Variants in GRM5 observed in about 807,000 individuals in gnomAD.
GRM5 encodes the protein glutamate metabotropic receptor 5.
In GRM5, 19 loss-of-function variants were observed where a neutral mutation model predicts 83.1. That is an observed-to-expected ratio of 0.23 (90% CI 0.16 to 0.34). The LOEUF (loss-of-function observed/expected upper bound fraction) is 0.34. Ranked by LOEUF, GRM5 falls within the 10% of genes least tolerant of loss-of-function variation. GRM5 has a pLI of 1.00. For missense variants in GRM5, 1,160 were observed against 1,588.3 expected (o/e 0.73, Z 4.58); for synonymous variants, 675 against 633.6 (o/e 1.07, Z -0.98).
At chr11:88,882,128 G>A (rs189562395) in intron 2 of GRM5, among the ~76,000 whole-genome samples, 2 of 151,946 alleles carry the variant, frequency 1.3e-5, no homozygotes, top group Non-Finnish European at 1.5e-5. Flanking sequence ...TCCCAGCTAT[G>A]CAGGAGGCTG....
chr11:88,725,665 T>G (rs192358759), intron 3 of GRM5, among the ~76,000 whole-genome samples: 1 of 152,246 alleles, frequency 6.6e-6, no homozygotes, highest in African/African-American at 2.4e-5. Context: ...GGTACCCCTA[T>G]GGGATGAGGC....
rs1311302907 is a variant in GRM5 at position 89,057,215 on chromosome 11, C to A, written c.-201+8561G>T. 3.3e-5 allele frequency among the ~76,000 whole-genome samples: 5 copies of A among 152,200 alleles called. No individual in the cohort carries two copies. The East Asian group carries it at 7.7e-4, about 24-fold the overall frequency. On this transcript the variant is annotated intron_variant, in intron 1 of 9. Coordinates refer to ENST00000305447, the MANE Select transcript of GRM5 (RefSeq NM_001143831.3). ...CCTCATCACAAACAGTCAGGGCTGT[C>A]AATATTGCATATGCCATCAATGCAT...
chr11:88,535,566 T>G (rs892054751), intron 8 of GRM5, among the ~76,000 whole-genome samples: 1 of 152,230 alleles, frequency 6.6e-6, no homozygotes. Flanking sequence ...GTGTCAGAAA[T>G]TCTTTTTATG....
At chr11:88,581,283 T>A (rs1037873071) in intron 7 of GRM5, among the ~76,000 whole-genome samples, 1 of 152,334 alleles carries the variant, frequency 6.6e-6, no homozygotes, top group African/African-American at 2.4e-5. Flanking sequence ...TCTTGAACAG[T>A]TAATGCATAC....
At chr11:88,538,237 C>A (rs1266690341) in intron 8 of GRM5, among the ~76,000 whole-genome samples, 2 of 152,060 alleles carry the variant, frequency 1.3e-5, no homozygotes, top group East Asian at 1.9e-4. Context: ...GAAGAATTCC[C>A]AAAGGATGTA....
At chr11:88,720,812 GTGTGTGTGCGTGTGTGTGTGTGTGTGT>G (rs1374791971) in intron 3 of GRM5, among the ~76,000 whole-genome samples, 1 of 125,450 alleles carries the variant, frequency 8.0e-6, no homozygotes, top group Non-Finnish European at 1.6e-5. Flanking sequence ...GTGTGTGTGT[GTGTGTGTGCGTGTGTGTGTGTGTGTGT>G]GTGTGCCTGT....
intron 2 of GRM5, among the ~76,000 whole-genome samples, chr11:88,977,074 T>A (rs1939365932): frequency 6.6e-6 from 1 of 151,602 alleles, no homozygotes; most frequent in Non-Finnish European, 1.5e-5. Flanking sequence ...TATTCTCAAA[T>A]AATAGATTCA....
At chr11:88,741,234 C>A (rs1942021562) in intron 3 of GRM5, among the ~76,000 whole-genome samples, 1 of 151,946 alleles carries the variant, frequency 6.6e-6, no homozygotes, top group Non-Finnish European at 1.5e-5. Flanking sequence ...GATAATCAGG[C>A]AAACTACAGA....
chr11:88,932,863 T>G (rs1937760041), intron 2 of GRM5, among the ~76,000 whole-genome samples: 1 of 151,932 alleles, frequency 6.6e-6, no homozygotes, highest in Non-Finnish European at 1.5e-5. Flanking sequence ...ATGTTTGATG[T>G]TGCCGAAATG....
intron 2 of GRM5, among the ~76,000 whole-genome samples, chr11:88,882,272 T>TAAATAAATAAATAAA (rs1565275314): frequency 2.3e-5 from 1 of 43,436 alleles, no homozygotes; most frequent in African/African-American, 1.1e-4. Flanking sequence ...AAATAAATAA[T>TAAATAAATAAATAAA]AAAAAGAAAA....
intron 8 of GRM5, among the ~76,000 whole-genome samples, chr11:88,552,032 T>TG (rs1942521492): frequency 9.2e-6 from 1 of 108,312 alleles, no homozygotes; most frequent in African/African-American, 7.3e-5. Context: ...AAATGTCACA[T>TG]CTTTTTTTTT....
chr11:88,816,811 T>C (rs1943698869), intron 3 of GRM5, among the ~76,000 whole-genome samples: 2 of 149,800 alleles, frequency 1.3e-5, no homozygotes, highest in South Asian at 4.2e-4. Context: ...GAAGTTATAT[T>C]GCTACAAATT....
chr11:88,706,870 A>C (rs1391279889), intron 3 of GRM5, among the ~76,000 whole-genome samples: 1 of 152,066 alleles, frequency 6.6e-6, no homozygotes, highest in African/African-American at 2.4e-5. Context: ...ACTTAGTTAA[A>C]ATGACAAATG....
chr11:88,863,660 CTG>C (rs1944609500), intron 2 of GRM5, among the ~76,000 whole-genome samples: 1 of 148,518 alleles, frequency 6.7e-6, no homozygotes, highest in Non-Finnish European at 1.5e-5. Flanking sequence ...GCATAAAAAA[CTG>C]TAAAATATGT....
chr11:88,845,734 C>CA (rs982969850), intron 3 of GRM5, among the ~76,000 whole-genome samples: 11 of 148,128 alleles, frequency 7.4e-5, no homozygotes, highest in African/African-American at 2.5e-4. Context: ...CGCCCCCCCC[C>CA]ACTTTTTATA....
chr11:88,753,337 A>G (rs576934677), intron 3 of GRM5, among the ~76,000 whole-genome samples: 3 of 152,058 alleles, frequency 2.0e-5, no homozygotes, highest in Admixed American at 6.5e-5. Flanking sequence ...TGGCCAATAA[A>G]CATATGAAAA....
intron 4 of GRM5, among the ~76,000 whole-genome samples, chr11:88,649,504 T>A (rs1273337790): frequency 2.1e-5 from 3 of 145,262 alleles, no homozygotes; most frequent in Non-Finnish European, 3.0e-5. Flanking sequence ...ATATATTATA[T>A]ATATGTAATT....
chr11:88,530,689 CTA>C (rs1237902027), intron 8 of GRM5, among the ~76,000 whole-genome samples: 1 of 151,970 alleles, frequency 6.6e-6, no homozygotes, highest in Non-Finnish European at 1.5e-5. Context: ...TCTATATTGG[CTA>C]TGTGATTCAG....
intron 2 of GRM5, among the ~76,000 whole-genome samples, chr11:88,883,989 A>G (rs1333202509): frequency 1.3e-5 from 2 of 152,152 alleles, no homozygotes; most frequent in African/African-American, 4.8e-5. Context: ...CTACAGCACT[A>G]TGGAAGGGAA....
Sources: allele counts gnomAD v4.1 joint callset (sites outside exome capture counted in the v4.1 genomes callset), GRCh38; gene constraint gnomAD v4.1.1; transcripts MANE v1.5; gene names NCBI Gene and HGNC (gene_info 2026-07-23, HGNC 2026-07-21).